LDAH: variants seen among roughly 807,000 people sequenced by gnomAD.
LDAH encodes lipid droplet associated hydrolase.
Under a neutral mutation model 29.6 loss-of-function variants are expected in LDAH, and 26 were observed. That is an observed-to-expected ratio of 0.88 (90% CI 0.64 to 1.22). The LOEUF is 1.22. Among genes scored for constraint, LDAH ranks in the 50% most tolerant of loss-of-function variants. The probability of loss-of-function intolerance (pLI) is 0.00; values close to 1 mark genes in which losing one functional copy is unlikely to be tolerated. For missense variants in LDAH, 344 were observed against 387.3 expected (o/e 0.89, Z 0.94); for synonymous variants, 117 against 133.0 (o/e 0.88, Z 0.83).
At chr2:20,753,525 C>G (rs1398920207) in intron 4 of LDAH, among the ~76,000 whole-genome samples, 2 of 152,220 alleles carry the variant, frequency 1.3e-5, no homozygotes, top group Admixed American at 6.5e-5. Context: ...GCAGTTTTTA[C>G]TTCTTCGTTT....
chr2:20,789,042 A>G, intron 3 of LDAH: 1 of 1,320,046 alleles, frequency 7.6e-7, no homozygotes, highest in Non-Finnish European at 1.0e-6. Flanking sequence ...CTTAGCAGTA[A>G]CATCGCTATT....
chr2:20,801,532 T>C (rs1233585636), intron 1 of LDAH, 67 bp from the exon 2 acceptor site: 1 of 1,413,800 alleles, frequency 7.1e-7, no homozygotes, highest in African/African-American at 1.4e-5. Context: ...AAAGACAAAA[T>C]TCAAGAATAA....
At chr2:20,692,003 GT>G (rs929138721) in intron 6 of LDAH, among the ~76,000 whole-genome samples, 16 of 151,758 alleles carry the variant, frequency 1.1e-4, no homozygotes, top group African/African-American at 1.7e-4. Flanking sequence ...TCTTCTGTGT[GT>G]TTTTTTTTCC....
intron 3 of LDAH, among the ~76,000 whole-genome samples, chr2:20,787,560 C>G (rs1288997980): frequency 3.3e-5 from 5 of 152,256 alleles, no homozygotes; most frequent in African/African-American, 1.2e-4. Flanking sequence ...TCCCAAAGTG[C>G]TGGGATTACA....
At chr2:20,690,704 G>A (rs1273813549) in intron 6 of LDAH, among the ~76,000 whole-genome samples, 1 of 152,110 alleles carries the variant, frequency 6.6e-6, no homozygotes, top group Non-Finnish European at 1.5e-5. Flanking sequence ...GGGGATGGGG[G>A]AGGAGGGGTG....
chr2:20,736,907 T>A (rs1325387316), intron 5 of LDAH, among the ~76,000 whole-genome samples: 1 of 152,228 alleles, frequency 6.6e-6, no homozygotes, highest in East Asian at 1.9e-4. Context: ...GTATCTCCCA[T>A]GTACATATGA....
At chr2:20,800,665 G>A (rs960516997) in intron 2 of LDAH, among the ~76,000 whole-genome samples, 2 of 151,394 alleles carry the variant, frequency 1.3e-5, no homozygotes, top group Admixed American at 6.6e-5. Flanking sequence ...ACGGAGTCTC[G>A]CTCTGCCCCC....
chr2:20,689,825 C>T (rs1662862197), intron 6 of LDAH, among the ~76,000 whole-genome samples: 2 of 152,160 alleles, frequency 1.3e-5, no homozygotes, highest in Admixed American at 6.5e-5. Flanking sequence ...TGCTGCAGGG[C>T]ATGCTCTCGC....
chr2:20,807,935 CA>C (rs569770455), intron 1 of LDAH, among the ~76,000 whole-genome samples: 14,152 of 108,606 alleles, frequency 0.13, 1,823 homozygotes, highest in African/African-American at 0.36. Context: ...ATAGAAAATG[CA>C]AAAAAAAAAA....
chr2:20,690,647 C>T (rs1285467691), intron 6 of LDAH, among the ~76,000 whole-genome samples: 2 of 151,950 alleles, frequency 1.3e-5, no homozygotes, highest in Non-Finnish European at 2.9e-5. Flanking sequence ...CACCTGCAGC[C>T]CTGAACAGGA....
chr2:20,730,914 T>C (rs1666355668), intron 5 of LDAH, among the ~76,000 whole-genome samples: 1 of 152,216 alleles, frequency 6.6e-6, no homozygotes, highest in African/African-American at 2.4e-5. Context: ...ATTAATCCCT[T>C]TATCAATATC....
chr2:20,812,516 A>G (rs1017559373), intron 1 of LDAH, among the ~76,000 whole-genome samples: 1 of 152,208 alleles, frequency 6.6e-6, no homozygotes, highest in Non-Finnish European at 1.5e-5. Context: ...TTGTTTTAAA[A>G]ATCAACCCTA....
chr2:20,734,134 T>C (rs1261437174), intron 5 of LDAH, among the ~76,000 whole-genome samples: 1 of 152,196 alleles, frequency 6.6e-6, no homozygotes, highest in Non-Finnish European at 1.5e-5. Context: ...TGGTTTCCTT[T>C]GCTTATAAAT....
intron 4 of LDAH, among the ~76,000 whole-genome samples, chr2:20,770,214 A>G (rs1006524125): frequency 6.6e-6 from 1 of 152,222 alleles, no homozygotes; most frequent in African/African-American, 2.4e-5. Flanking sequence ...TCTGGTACTT[A>G]AGAGAGTGAG....
chr2:20,687,526 T>C (rs930003063), intron 6 of LDAH, among the ~76,000 whole-genome samples: 5 of 152,242 alleles, frequency 3.3e-5, no homozygotes, highest in Admixed American at 6.5e-5. Context: ...ATTTGTTGAA[T>C]GAATACAAAC....
At chr2:20,695,939 CCCAGCTCT>C (rs1400667431) in intron 6 of LDAH, among the ~76,000 whole-genome samples, 4 of 152,098 alleles carry the variant, frequency 2.6e-5, no homozygotes, top group South Asian at 2.1e-4. Context: ...ACTCTGGGAG[CCCAGCTCT>C]CCAGCACGTT....
intron 6 of LDAH, among the ~76,000 whole-genome samples, chr2:20,697,237 G>C (rs1663559422): frequency 6.6e-6 from 1 of 152,088 alleles, no homozygotes; most frequent in South Asian, 2.1e-4. Context: ...ACCAAGTCCA[G>C]ATACAAAGAA....
intron 4 of LDAH, among the ~76,000 whole-genome samples, chr2:20,757,916 A>G (rs1668442305): frequency 1.3e-5 from 2 of 152,302 alleles, no homozygotes; most frequent in East Asian, 1.9e-4. Flanking sequence ...GACTGAAACT[A>G]CAATTACATC....
intron 4 of LDAH, among the ~76,000 whole-genome samples, chr2:20,752,634 T>C (rs1668045284): frequency 6.6e-6 from 1 of 152,122 alleles, no homozygotes; most frequent in Admixed American, 6.5e-5. Flanking sequence ...CAAGTGTCAA[T>C]GGCAATGTAG....
Sources: allele counts gnomAD v4.1 joint callset (sites outside exome capture counted in the v4.1 genomes callset), GRCh38; gene constraint gnomAD v4.1.1; transcripts MANE v1.5; gene names NCBI Gene and HGNC (gene_info 2026-07-23, HGNC 2026-07-21).